The following EIF5B variants were observed in gnomAD, a reference collection of about 807,000 sequenced individuals.
EIF5B encodes eukaryotic translation initiation factor 5B.
In EIF5B, 47 loss-of-function variants were observed where a neutral mutation model predicts 147.5. The ratio of observed to expected loss-of-function variants is 0.32; its 90% CI spans 0.25 to 0.41. The LOEUF is 0.41. EIF5B is among the 10% of genes least tolerant of loss of function. The pLI is 1.00. For synonymous variants in EIF5B, 455 were observed against 456.2 expected, an observed-to-expected ratio of 1.00 and a Z score of 0.03; for missense variants, 1,064 against 1,413.2, an observed-to-expected ratio of 0.75 and a Z score of 3.96.
chr2:99,363,580 TG>T (rs1466033668), intron 4 of EIF5B, 64 bp from the exon 5 acceptor site: 2 of 1,490,430 alleles, frequency 1.3e-6, no homozygotes, highest in African/African-American at 2.8e-5. Flanking sequence ...GGTTGGGTTT[TG>T]CTCGTCATCA....
chr2:99,368,644 C>T, intron 7 of EIF5B, 53 bp downstream of exon 7: 2 of 1,364,116 alleles, frequency 1.5e-6, no homozygotes, highest in Non-Finnish European at 1.0e-6. Context: ...TGCCTTTCCC[C>T]CACAATCTTC....
intron 11 of EIF5B, 66 bp downstream of exon 11, chr2:99,379,192 A>C: frequency 6.9e-7 from 1 of 1,446,056 alleles, no homozygotes; most frequent in Non-Finnish European, 9.4e-7. Context: ...ATAAAAAAAA[A>C]CTTTAGAGAC....
intron 1 of EIF5B, among the ~76,000 whole-genome samples, chr2:99,338,951 C>G: frequency 8.5e-6 from 1 of 117,844 alleles, no homozygotes; most frequent in East Asian, 3.0e-4. Flanking sequence ...AATATATATA[C>G]ACACATATAT....
At position 99,337,469 on chromosome 2, in the gene EIF5B, G is replaced by T; in HGVS notation, c.-86G>T. The T allele has an allele frequency of 6.5e-7, 1 of 1,542,554 alleles. No homozygotes were observed. Among genetic ancestry groups the T allele is most frequent in the Non-Finnish European group, 8.8e-7 (1 of 1,134,796 alleles). On this transcript the variant is annotated 5_prime_UTR_variant, in exon 1 of 24. It removes the in-frame stop codon of an upstream open reading frame in the 5' UTR. Transcript: ENST00000289371. ...GCGGCAGCACGAGGGGAAAAGAGCTGAGCGGAGACCAAAGTCAGCCGGGAG... is the reference window on the plus strand; with the variant it reads ...GCGGCAGCACGAGGGGAAAAGAGCTTAGCGGAGACCAAAGTCAGCCGGGAG...
chr2:99,384,189 T>A (rs1275749970), intron 14 of EIF5B, among the ~76,000 whole-genome samples: 1 of 30,126 alleles, frequency 3.3e-5, no homozygotes, highest in Admixed American at 3.9e-4. Context: ...AGAGCGAGAC[T>A]CCGTCTCAAA....
intron 9 of EIF5B, 152 bp from the exon 10 acceptor site, chr2:99,376,195 T>G (rs1466220903): frequency 1.9e-6 from 1 of 523,092 alleles, no homozygotes; most frequent in Non-Finnish European, 3.3e-6. Context: ...GTTAGTGTGT[T>G]AGTGTATTTT....
intron 6 of EIF5B, among the ~76,000 whole-genome samples, chr2:99,366,088 T>TACAC (rs3838486): frequency 4.6e-5 from 7 of 151,846 alleles, no homozygotes; most frequent in Admixed American, 2.0e-4. Context: ...ACTAAGCATA[T>TACAC]ACACACACAC....
chr2:99,360,941 A>T (rs1250459123), intron 3 of EIF5B, among the ~76,000 whole-genome samples: 1 of 152,204 alleles, frequency 6.6e-6, no homozygotes, highest in Non-Finnish European at 1.5e-5. Context: ...GAGCCCCTGG[A>T]TTCTGCAATT....
intron 10 of EIF5B, among the ~76,000 whole-genome samples, 181 bp from the exon 11 acceptor site, chr2:99,378,838 G>A (rs1175110130): frequency 2.6e-5 from 4 of 152,118 alleles, no homozygotes; most frequent in Non-Finnish European, 5.9e-5. Flanking sequence ...TTATCCAGAG[G>A]TGCTGTGATG....
chr2:99,400,146 A>AAACT lies in EIF5B; in HGVS notation c.*735_*738dup, dbSNP rs567228802. Reference sequence around the variant, plus strand: ...CCTCCTAGGACAAGAATTATCTTACAAACTAAACTATCATCACACTACCTT... The same window carrying AAACT: ...CCTCCTAGGACAAGAATTATCTTACAAACTAACTAAACTATCATCACACTACCTT... On this transcript the variant is annotated 3_prime_UTR_variant, in exon 24 of 24. Coordinates refer to ENST00000289371, the MANE Select transcript of EIF5B (RefSeq NM_015904.4). 92 of 152,200 alleles carry AAACT rather than the reference A, an allele frequency of 6.0e-4. No individual in the cohort carries two copies. The highest frequency in any genetic ancestry group is 2.1e-3 in the African/African-American group (87 of 41,444). The allele number at this position is 152,200 out of a possible 1,614,324, so 9.4% of individuals were successfully genotyped here. A position where few individuals can be genotyped will look rare whatever the true frequency, so the allele number is the denominator to read the frequency against.
intron 10 of EIF5B, 98 bp from the exon 11 acceptor site, chr2:99,378,921 G>A: frequency 1.1e-6 from 1 of 895,250 alleles, no homozygotes; most frequent in Non-Finnish European, 1.6e-6. Context: ...CTTGGATGCA[G>A]GTTGTAGCAT....
rs1310022481 is a variant in EIF5B at position 99,400,442 on chromosome 2, G to A, written c.*1028G>A. 1 of 152,162 alleles carries A rather than the reference G, an allele frequency of 6.6e-6. No individual in the cohort carries two copies. Among genetic ancestry groups the A allele is most frequent in the Non-Finnish European group, 1.5e-5 (1 of 68,012 alleles). 9.4% of individuals were successfully genotyped at this position (152,162 alleles called of 1,614,324 possible). On this transcript the variant is annotated 3_prime_UTR_variant, in exon 24 of 24. Transcript: ENST00000289371. ...TTGCTGAAGTCAGTGTGGGGTGTTTGTTTGAGGAAAAAGTTCCAAATATCC... is the reference window on the plus strand; with the variant it reads ...TTGCTGAAGTCAGTGTGGGGTGTTTATTTGAGGAAAAAGTTCCAAATATCC...
chr2:99,369,986 C>T (rs1318144617), intron 8 of EIF5B, among the ~76,000 whole-genome samples: 7 of 148,920 alleles, frequency 4.7e-5, no homozygotes, highest in East Asian at 3.9e-4. Context: ...CAGTCCATCT[C>T]AAAAAAAAAG....
Position 99,361,611 on chromosome 2 carries a change from A to T in EIF5B, c.710A>T (p.Glu237Val), listed in dbSNP as rs201583340. The change falls in exon 4 of 24, where the codon GAG (glutamate) becomes GTG (valine). Residue 237 changes from glutamate to valine, a missense_variant. By Grantham distance (121) the Glu-to-Val change is moderately radical. Coordinates refer to ENST00000289371, the MANE Select transcript of EIF5B (RefSeq NM_015904.4). Reference protein sequence around the residue: ...TVAQKKAEKKERERKKRDEEK... With the variant: ...TVAQKKAEKKVRERKKRDEEK... ...GCCCAAAAGAAGGCAGAAAAGAAGG[A>T]GCGCGAGAGAAAAAAGCGAGATGAA... The T allele has an allele frequency of 3.4e-3, 5,361 of 1,594,954 alleles. 30 individuals are homozygous for T. The highest frequency in any genetic ancestry group is 3.9e-3 in the Non-Finnish European group (4,542 of 1,175,564).
chr2:99,370,005 G>A (rs188648984), intron 8 of EIF5B, among the ~76,000 whole-genome samples: 4 of 152,152 alleles, frequency 2.6e-5, no homozygotes, highest in Admixed American at 2.6e-4. Flanking sequence ...AGGAAGAAAG[G>A]ATAGTAGGTT....
chr2:99,360,238 C>G lies in EIF5B; in HGVS notation c.38C>G (p.Thr13Ser), dbSNP rs1317903573. Reference protein sequence around the residue: ...KKQKNKSEDSTKDDIDLDALA... With the variant: ...KKQKNKSEDSSKDDIDLDALA... ...GGATGTTTTTGTTTTCATTTAAGCA[C>G]CAAGGATGACATTGATCTTGATGCC... The change falls in exon 2 of 24, where the codon ACC (threonine) becomes AGC (serine). Residue 13 changes from threonine to serine, a missense_variant and splice_region_variant. Physicochemically the swap from Thr to Ser is moderately conservative, Grantham distance 58 (BLOSUM62 1). This residue lies in a region of EIF5B where 458 missense variants were observed against 451.3 expected (regional missense o/e 1.01). Coordinates refer to ENST00000289371, the MANE Select transcript of EIF5B (RefSeq NM_015904.4). The G allele has an allele frequency of 6.3e-7, 1 of 1,589,246 alleles. No individual in the cohort carries two copies. Among genetic ancestry groups the G allele is most frequent in the South Asian group, 1.2e-5 (1 of 84,272 alleles).
At chr2:99,378,304 T>C (rs560352508) in intron 10 of EIF5B, among the ~76,000 whole-genome samples, 2 of 152,338 alleles carry the variant, frequency 1.3e-5, no homozygotes, top group South Asian at 4.1e-4. Context: ...CCAACTTTAC[T>C]GTATTTGAGA....
intron 1 of EIF5B, among the ~76,000 whole-genome samples, chr2:99,341,683 T>A (rs1392805424): frequency 1.3e-5 from 2 of 152,208 alleles, no homozygotes; most frequent in Non-Finnish European, 2.9e-5. Context: ...AGGTTATATC[T>A]ACCAGTTACA....
intron 1 of EIF5B, chr2:99,338,336 T>C: frequency 1.6e-6 from 2 of 1,289,144 alleles, no homozygotes; most frequent in Non-Finnish European, 2.0e-6. Flanking sequence ...TTTGAGACAT[T>C]TCTGTGTGTC....
Sources: allele counts gnomAD v4.1 joint callset (sites outside exome capture counted in the v4.1 genomes callset), GRCh38; gene constraint gnomAD v4.1.1; regional missense constraint gnomAD v4.1.1; transcripts MANE v1.5; gene names NCBI Gene and HGNC (gene_info 2026-07-23, HGNC 2026-07-21).